MCCC1: variants seen among roughly 807,000 people sequenced by gnomAD.
MCCC1 encodes methylcrotonyl-CoA carboxylase subunit 1.
Under a neutral mutation model 83.8 loss-of-function variants are expected in MCCC1, and 64 were observed. The ratio of observed to expected loss-of-function variants is 0.76; its 90% CI spans 0.62 to 0.94. The LOEUF is 0.94. Ranked by LOEUF, MCCC1 falls within the 40% of genes least tolerant of loss-of-function variation. The probability of loss-of-function intolerance (pLI) is 0.00; values close to 1 mark genes in which losing one functional copy is unlikely to be tolerated. For missense variants in MCCC1, 807 were observed against 904.7 expected (o/e 0.89, Z 1.39); for synonymous variants, 322 against 315.4 (o/e 1.02, Z -0.22).
intron 7 of MCCC1, among the ~76,000 whole-genome samples, chr3:183,063,832 G>A (rs1035724552): frequency 1.3e-5 from 2 of 152,094 alleles, no homozygotes; most frequent in South Asian, 2.1e-4. Context: ...ACGATACTGC[G>A]GAGACCCTCC....
intron 11 of MCCC1, 23 bp downstream of exon 11, chr3:183,041,544 C>A (rs375463097): frequency 2.4e-5 from 38 of 1,613,512 alleles, no homozygotes; most frequent in Middle Eastern, 1.6e-4. Context: ...AAGAGTGAGA[C>A]TTTTCATTTT....
At chr3:183,029,468 G>C (rs923907835) in intron 14 of MCCC1, among the ~76,000 whole-genome samples, 5 of 152,174 alleles carry the variant, frequency 3.3e-5, no homozygotes, top group Non-Finnish European at 7.3e-5. Flanking sequence ...CTTGAAACCT[G>C]TCATCCTTGC....
At chr3:183,047,166 T>C (rs28793315) in intron 9 of MCCC1, among the ~76,000 whole-genome samples, 25,812 of 152,126 alleles carry the variant, frequency 0.17, 2,492 homozygotes, top group East Asian at 0.39. Context: ...GCCTAAACGA[T>C]TGGGATTTTA....
At chr3:183,033,868 T>C (rs1577258863) in intron 14 of MCCC1, 123 bp downstream of exon 14, 4 of 707,136 alleles carry the variant, frequency 5.7e-6, no homozygotes, top group South Asian at 4.9e-5. Flanking sequence ...TTCCCTCCAA[T>C]GTTTAGCCTA....
At chr3:183,021,129 T>C (rs1712131553) in intron 16 of MCCC1, among the ~76,000 whole-genome samples, 1 of 152,216 alleles carries the variant, frequency 6.6e-6, no homozygotes. Context: ...CCATTTTCAG[T>C]AGCATCCCCA....
At chr3:183,067,291 A>G (rs563956117) in intron 7 of MCCC1, among the ~76,000 whole-genome samples, 2 of 152,252 alleles carry the variant, frequency 1.3e-5, no homozygotes, top group African/African-American at 4.8e-5. Context: ...AATTTACCCA[A>G]CTCATAGGTA....
chr3:183,062,815 G>C (rs1715945899), intron 7 of MCCC1, among the ~76,000 whole-genome samples: 1 of 152,114 alleles, frequency 6.6e-6, no homozygotes, highest in African/African-American at 2.4e-5. Flanking sequence ...CTAACTTAGA[G>C]TTTCTGGAGC....
At chr3:183,017,228 C>A in intron 18 of MCCC1, 38 bp downstream of exon 18, 1 of 1,580,190 alleles carries the variant, frequency 6.3e-7, no homozygotes, top group South Asian at 1.1e-5. Context: ...TGATTGCTCC[C>A]AAAGTCCTCA....
chr3:183,052,078 A>T, intron 9 of MCCC1, 81 bp downstream of exon 9: 1 of 1,337,386 alleles, frequency 7.5e-7, no homozygotes. Flanking sequence ...CAACTGATTT[A>T]AAAGTTGTGT....
chr3:183,027,840 T>C (rs768552457), intron 14 of MCCC1, among the ~76,000 whole-genome samples: 1 of 152,134 alleles, frequency 6.6e-6, no homozygotes. Flanking sequence ...GAAAAAATAT[T>C]TGAAGCTAGC....
At chr3:183,038,068 T>C (rs1260256445) in intron 12 of MCCC1, among the ~76,000 whole-genome samples, 3 of 152,200 alleles carry the variant, frequency 2.0e-5, no homozygotes, top group Non-Finnish European at 4.4e-5. Flanking sequence ...CCTGAGCATC[T>C]CTTAAGTGCC....
At chr3:183,062,850 C>T (rs957380328) in intron 7 of MCCC1, among the ~76,000 whole-genome samples, 1 of 152,160 alleles carries the variant, frequency 6.6e-6, no homozygotes, top group Non-Finnish European at 1.5e-5. Flanking sequence ...TGTCTGAGAA[C>T]CAGGAGGTGC....
At chr3:183,074,364 G>T (rs956797006) in intron 4 of MCCC1, among the ~76,000 whole-genome samples, 2 of 152,204 alleles carry the variant, frequency 1.3e-5, no homozygotes, top group Non-Finnish European at 2.9e-5. Context: ...GGAAGAAACA[G>T]AAGGAGGCAA....
intron 14 of MCCC1, among the ~76,000 whole-genome samples, chr3:183,027,396 T>C (rs1577248344): frequency 1.3e-5 from 2 of 152,302 alleles, no homozygotes; most frequent in South Asian, 4.1e-4. Context: ...GAGGAAGGAA[T>C]GTCAAAAGCT....
At chr3:183,085,940 C>T (rs1275099985) in intron 4 of MCCC1, among the ~76,000 whole-genome samples, 1 of 152,188 alleles carries the variant, frequency 6.6e-6, no homozygotes, top group Non-Finnish European at 1.5e-5. Context: ...ATTAAGCCCT[C>T]GGCAGCCAGG....
chr3:183,023,610 G>A lies in MCCC1; in HGVS notation c.1732-1056C>T, dbSNP rs534424407. On this transcript the variant is annotated intron_variant, in intron 15 of 18. Coordinates refer to ENST00000265594, the MANE Select transcript of MCCC1 (RefSeq NM_020166.5). The stretch of plus-strand genomic sequence containing the variant: ...GAATTATAACCCTCATACCCAAGTA[G>A]GCAGACTTTCCATGGTTTTTCTGAA... Among the ~76,000 whole-genome samples the A allele has an allele frequency of 9.7e-4, 147 of 152,248 alleles. 1 individual carries two copies. The highest frequency in any genetic ancestry group is 3.3e-3 in the African/African-American group (138 of 41,554).
intron 14 of MCCC1, among the ~76,000 whole-genome samples, chr3:183,028,281 T>C (rs766011582): frequency 5.3e-5 from 8 of 152,222 alleles, no homozygotes; most frequent in Non-Finnish European, 1.2e-4. Context: ...TACTCAATAG[T>C]GCTCAGATAA....
At chr3:183,099,323 G>C in intron 1 of MCCC1, 29 bp downstream of exon 1, 1 of 1,571,960 alleles carries the variant, frequency 6.4e-7, no homozygotes, top group Non-Finnish European at 8.6e-7. Flanking sequence ...TCCCGCCTCT[G>C]CCCACTGAGC....
At chr3:183,099,236 T>C in intron 1 of MCCC1, 116 bp downstream of exon 1, 1 of 1,252,286 alleles carries the variant, frequency 8.0e-7, no homozygotes, top group Non-Finnish European at 1.1e-6. Flanking sequence ...GCCTGGGGTT[T>C]TCCTACCGTC....
Sources: allele counts gnomAD v4.1 joint callset (sites outside exome capture counted in the v4.1 genomes callset), GRCh38; gene constraint gnomAD v4.1.1; transcripts MANE v1.5; gene names NCBI Gene and HGNC (gene_info 2026-07-23, HGNC 2026-07-21).